The following CYB5R4 variants were observed in gnomAD, a reference collection of about 807,000 sequenced individuals.
CYB5R4 encodes N-terminal cytochrome b5 and cytochrome b5 oxidoreductase domain-containing protein.
In CYB5R4, 55 loss-of-function variants were observed where a neutral mutation model predicts 70.2. The ratio of observed to expected loss-of-function variants is 0.78; its 90% CI spans 0.63 to 0.98. CYB5R4 has a LOEUF of 0.98. Among genes scored for constraint, CYB5R4 ranks in the 50% least tolerant of loss-of-function variants. The pLI is 0.00. For missense variants in CYB5R4, 562 were observed against 612.6 expected (o/e 0.92, Z 0.87); for synonymous variants, 197 against 199.5 (o/e 0.99, Z 0.11).
At chr6:83,899,426 C>G (rs576136891) in intron 3 of CYB5R4, among the ~76,000 whole-genome samples, 1 of 152,074 alleles carries the variant, frequency 6.6e-6, no homozygotes, top group Non-Finnish European at 1.5e-5. Flanking sequence ...CTAAAATTCT[C>G]TTTTTCTGTT....
At chr6:83,955,544 G>C in intron 15 of CYB5R4, 82 bp downstream of exon 15, 1 of 1,304,906 alleles carries the variant, frequency 7.7e-7, no homozygotes, top group Non-Finnish European at 1.1e-6. Flanking sequence ...AGTTCTTCCT[G>C]TTTATATGAA....
Position 83,920,451 on chromosome 6 carries a change from A to G in CYB5R4, c.565-631A>G, listed in dbSNP as rs556287291. ...GTTCAAAACCCAGAGCACAGGCTCT[A>G]GGGAGGTCCACTTGCACTGGTAATA... is the stretch of plus-strand genomic sequence containing the variant. On this transcript the variant is annotated intron_variant, in intron 7 of 15. Coordinates refer to ENST00000369681, the MANE Select transcript of CYB5R4 (RefSeq NM_016230.4). Among the ~76,000 whole-genome samples, 4 of 152,246 alleles carry G rather than the reference A, an allele frequency of 2.6e-5. No homozygotes were observed. The East Asian group carries it at 7.7e-4, about 29-fold the overall frequency.
chr6:83,889,610 A>G (rs2099460794), intron 2 of CYB5R4, among the ~76,000 whole-genome samples: 1 of 152,210 alleles, frequency 6.6e-6, no homozygotes, highest in Non-Finnish European at 1.5e-5. Context: ...TGGTCACCCA[A>G]GAGGTCTGAT....
At chr6:83,905,619 G>A (rs576597026) in intron 3 of CYB5R4, among the ~76,000 whole-genome samples, 3 of 152,176 alleles carry the variant, frequency 2.0e-5, no homozygotes, top group African/African-American at 7.2e-5. Context: ...GGGAGCAATG[G>A]GCTAAGTGTG....
chr6:83,904,936 C>T (rs1301374351), intron 3 of CYB5R4, among the ~76,000 whole-genome samples: 4 of 151,234 alleles, frequency 2.6e-5, no homozygotes, highest in African/African-American at 7.3e-5. Flanking sequence ...TATTGTGTTC[C>T]TTTGGAAGTG....
intron 2 of CYB5R4, among the ~76,000 whole-genome samples, chr6:83,868,042 T>G (rs573178644): frequency 1.3e-5 from 2 of 152,348 alleles, no homozygotes; most frequent in African/African-American, 4.8e-5. Context: ...TGTTCTAATT[T>G]AAAATATTAC....
chr6:83,898,971 A>C (rs1395599218), intron 3 of CYB5R4, among the ~76,000 whole-genome samples: 3 of 151,290 alleles, frequency 2.0e-5, no homozygotes, highest in Non-Finnish European at 3.0e-5. Context: ...TCTCCTGCCT[A>C]ATTGCCCTGG....
chr6:83,889,845 A>C (rs1275706718), intron 2 of CYB5R4, among the ~76,000 whole-genome samples: 1 of 152,174 alleles, frequency 6.6e-6, no homozygotes, highest in Non-Finnish European at 1.5e-5. Flanking sequence ...TAGCAAAAGC[A>C]GAAGCAAGAA....
At chr6:83,923,261 A>C (rs1045807181) in intron 9 of CYB5R4, among the ~76,000 whole-genome samples, 4 of 152,226 alleles carry the variant, frequency 2.6e-5, no homozygotes, top group African/African-American at 7.2e-5. Flanking sequence ...TAGAAGACTC[A>C]TCATAGAATG....
chr6:83,893,455 A>G, intron 2 of CYB5R4, 67 bp from the exon 3 acceptor site: 1 of 894,006 alleles, frequency 1.1e-6, no homozygotes, highest in Non-Finnish European at 1.8e-6. Context: ...ATTGAAACTT[A>G]TATTTATAAG....
chr6:83,946,101 C>T (rs537503683), intron 14 of CYB5R4, among the ~76,000 whole-genome samples: 155 of 152,298 alleles, frequency 1.0e-3, no homozygotes, highest in African/African-American at 3.6e-3. Context: ...GATACCAAAA[C>T]CTGGCAGAGA....
chr6:83,947,210 T>C lies in CYB5R4; in HGVS notation c.1346+6609T>C, dbSNP rs1277784447. On this transcript the variant is annotated intron_variant, in intron 14 of 15. Coordinates refer to ENST00000369681, the MANE Select transcript of CYB5R4 (RefSeq NM_016230.4). ...CATGGTACTGGTACCAAAACAGATATATAGACTAGTGGAACAGAATACAGG... is the reference window on the plus strand; with the variant it reads ...CATGGTACTGGTACCAAAACAGATACATAGACTAGTGGAACAGAATACAGG... Among the ~76,000 whole-genome samples, 4 of 152,030 alleles carry C rather than the reference T, an allele frequency of 2.6e-5. 1 individual carries two copies. Among genetic ancestry groups the C allele is most frequent in the Admixed American group, 2.0e-4 (3 of 15,260 alleles).
At position 83,898,747 on chromosome 6, in the gene CYB5R4, A is replaced by G. The variant is rs527404854; in HGVS notation, c.330+5125A>G. Among the ~76,000 whole-genome samples the G allele has an allele frequency of 2.0e-5, 3 of 152,190 alleles. No individual in the cohort carries two copies. The South Asian group carries it at 6.2e-4, about 32-fold the overall frequency. ...AGCAATTGTGAATGGGAGTTCACTC[A>G]TGATTTGGCTCTCTGTTTGTCTGTT... On this transcript the variant is annotated intron_variant, in intron 3 of 15. Transcript: ENST00000369681.
intron 3 of CYB5R4, 47 bp from the exon 4 acceptor site, chr6:83,908,962 T>TG: frequency 6.7e-7 from 1 of 1,503,724 alleles, no homozygotes; most frequent in South Asian, 1.1e-5. Context: ...GAGAGCATCC[T>TG]GTGGAGTTAG....
intron 2 of CYB5R4, among the ~76,000 whole-genome samples, chr6:83,891,961 T>C (rs1021101833): frequency 6.6e-6 from 1 of 152,160 alleles, no homozygotes; most frequent in Non-Finnish European, 1.5e-5. Context: ...GACTTGATTG[T>C]AGAGAAAGTT....
intron 2 of CYB5R4, among the ~76,000 whole-genome samples, chr6:83,885,432 G>T (rs2099460100): frequency 6.6e-6 from 1 of 152,150 alleles, no homozygotes; most frequent in South Asian, 2.1e-4. Context: ...AAACAAAGAA[G>T]AAATGAAAAA....
intron 3 of CYB5R4, among the ~76,000 whole-genome samples, chr6:83,897,014 C>G (rs1033081414): frequency 8.6e-5 from 13 of 151,740 alleles, no homozygotes; most frequent in African/African-American, 2.9e-4. Flanking sequence ...CACCCATTAA[C>G]TCATAATTTA....
At chr6:83,895,642 T>C (rs558200064) in intron 3 of CYB5R4, among the ~76,000 whole-genome samples, 5 of 152,342 alleles carry the variant, frequency 3.3e-5, no homozygotes, top group East Asian at 1.9e-4. Context: ...TTGAGTGTTA[T>C]GAGGTCATAT....
chr6:83,890,431 CT>C (rs1303157403), intron 2 of CYB5R4, among the ~76,000 whole-genome samples: 1 of 152,038 alleles, frequency 6.6e-6, no homozygotes, highest in Non-Finnish European at 1.5e-5. Flanking sequence ...CGTGATAAAA[CT>C]TGAATGGATG....
Sources: allele counts gnomAD v4.1 joint callset (sites outside exome capture counted in the v4.1 genomes callset), GRCh38; gene constraint gnomAD v4.1.1; transcripts MANE v1.5; gene names NCBI Gene and HGNC (gene_info 2026-07-23, HGNC 2026-07-21).